The following FHIP1A variants were observed in gnomAD, a reference collection of about 807,000 sequenced individuals.
FHIP1A encodes FHF complex subunit HOOK interacting protein 1A, also known as FHF complex subunit HOOK-interacting protein 1A.
A neutral mutation model predicts 88.6 loss-of-function variants in FHIP1A; 61 were observed. That is an observed-to-expected ratio of 0.69 (90% CI 0.56 to 0.85). The LOEUF is 0.85. Among genes scored for constraint, FHIP1A ranks in the 40% least tolerant of loss-of-function variants. The probability of loss-of-function intolerance (pLI) is 0.00; values close to 1 mark genes in which losing one functional copy is unlikely to be tolerated. For synonymous variants in FHIP1A, 478 were observed against 496.0 expected, an observed-to-expected ratio of 0.96 and a Z score of 0.48; for missense variants, 1,154 against 1,273.5, an observed-to-expected ratio of 0.91 and a Z score of 1.43.
At chr4:151,511,590 C>T (rs1210687858) in intron 3 of FHIP1A, among the ~76,000 whole-genome samples, 18 of 152,200 alleles carry the variant, frequency 1.2e-4, no homozygotes, top group African/African-American at 4.3e-4. Context: ...CCTAATACTG[C>T]GCTTTTCCCA....
At position 151,666,377 on chromosome 4, in the gene FHIP1A, C is replaced by G. The variant is rs1164570039; in HGVS notation, c.*3623C>G. ...ATTTTGGAAAATGCTTTGATGTGCT[C>G]GGGTTGGAGTGGATGTCTGTCAGGT... On this transcript the variant is annotated 3_prime_UTR_variant, in exon 14 of 14. Coordinates refer to ENST00000435205, the MANE Select transcript of FHIP1A (RefSeq NM_001109977.3). 6.6e-6 allele frequency among the ~76,000 whole-genome samples: 1 copy of G among 152,024 alleles called. No individual in the cohort carries two copies. The highest frequency in any genetic ancestry group is 6.5e-5 in the Admixed American group (1 of 15,276).
At chr4:151,508,220 T>C (rs1330526374) in intron 3 of FHIP1A, among the ~76,000 whole-genome samples, 1 of 152,234 alleles carries the variant, frequency 6.6e-6, no homozygotes, top group Non-Finnish European at 1.5e-5. Flanking sequence ...TTAGAATATC[T>C]CAGAGAGATG....
At position 151,656,791 on chromosome 4, in the gene FHIP1A, A is replaced by C. The variant is rs772102116; in HGVS notation, c.2762A>C (p.Gln921Pro). ...GCATCTGTGAAAAACAAGATTGAAC[A>C]GTTTGCTTCTGTGGAGAGAGACTTC... ...VLASVKNKIE[Q>P]FASVERDFPG... The change falls in exon 13 of 14, where the codon CAG becomes CCG. Residue 921 changes from glutamine (Q) to proline (P), a missense_variant. Coordinates refer to ENST00000435205, the MANE Select transcript of FHIP1A (RefSeq NM_001109977.3). This position sits in a 1 kb window ranked among gnomAD's most constrained non-coding sequence, Gnocchi z 4.2. 1.3e-6 allele frequency: 2 copies of C among 1,551,574 alleles called. No individual in the cohort carries two copies. The highest frequency in any genetic ancestry group is 2.7e-5 in the African/African-American group (2 of 73,062).
intron 1 of FHIP1A, among the ~76,000 whole-genome samples, chr4:151,433,572 A>C (rs1372346106): frequency 6.6e-6 from 1 of 152,112 alleles, no homozygotes; most frequent in Non-Finnish European, 1.5e-5. Context: ...TCAGATAAAT[A>C]AATGAAAATG....
In FHIP1A at chr4:151,650,538, G is replaced by C; in HGVS notation, c.2497G>C (p.Glu833Gln). 1 of 1,551,444 alleles carries C rather than the reference G, an allele frequency of 6.4e-7. No homozygotes were observed. Among genetic ancestry groups the C allele is most frequent in the Non-Finnish European group, 8.7e-7 (1 of 1,147,014 alleles). Reference sequence around the variant, plus strand: ...GCCTTCCCCATTTGTGGGGAGAGATGAGGCTGCCTTTGCCAGTCGCCATCC... The same window carrying C: ...GCCTTCCCCATTTGTGGGGAGAGATCAGGCTGCCTTTGCCAGTCGCCATCC... ...TVPSPFVGRD[E>Q]AAFASRHPVR... The change falls in exon 11 of 14, where the codon GAG (glutamate) becomes CAG (glutamine). Residue 833 changes from glutamate to glutamine, a missense_variant. Transcript: ENST00000435205.
rs70941499 is a variant in FHIP1A at position 151,419,568 on chromosome 4, C to CTTTTTT, written c.-356+10132_-356+10137dup. ...CTGCCATGCTGGTCTGTTCCTCATT[C>CTTTTTT]TTTTTTTTTTTTTTTTTTTTTTTTT... On this transcript the variant is annotated intron_variant, in intron 1 of 13. Coordinates refer to ENST00000435205, the MANE Select transcript of FHIP1A (RefSeq NM_001109977.3). Among the ~76,000 whole-genome samples, 81 of 21,978 alleles carry CTTTTTT rather than the reference C, an allele frequency of 3.7e-3. 2 individuals carry two copies. The highest frequency in any genetic ancestry group is 6.3e-3 in the South Asian group (3 of 478). 14.4% of individuals were successfully genotyped at this position (21,978 alleles called of 152,430 possible). A position where few individuals can be genotyped will look rare whatever the true frequency, so the allele number is the denominator to read the frequency against.
intron 2 of FHIP1A, among the ~76,000 whole-genome samples, chr4:151,479,649 A>T (rs564415301): frequency 6.6e-6 from 1 of 152,198 alleles, no homozygotes; most frequent in East Asian, 1.9e-4. Flanking sequence ...AATGCTATGG[A>T]TAATCCACAC....
chr4:151,512,488 A>G (rs1212388015), intron 3 of FHIP1A, among the ~76,000 whole-genome samples: 1 of 152,234 alleles, frequency 6.6e-6, no homozygotes, highest in Non-Finnish European at 1.5e-5. Context: ...AAGGCTTCAG[A>G]TGATCAAACT....
At chr4:151,529,325 T>C (rs1731790843) in intron 3 of FHIP1A, among the ~76,000 whole-genome samples, 1 of 152,188 alleles carries the variant, frequency 6.6e-6, no homozygotes, top group Non-Finnish European at 1.5e-5. Flanking sequence ...ACTGTCATTC[T>C]GGGAGTCCGC....
intron 3 of FHIP1A, among the ~76,000 whole-genome samples, chr4:151,484,535 T>C (rs1730010407): frequency 1.3e-5 from 2 of 152,186 alleles, no homozygotes. Flanking sequence ...GATGTAACAC[T>C]TGGGTGTATT....
chr4:151,423,477 A>G (rs991033111), intron 1 of FHIP1A, among the ~76,000 whole-genome samples: 1 of 152,140 alleles, frequency 6.6e-6, no homozygotes, highest in African/African-American at 2.4e-5. Context: ...AGAGAATGCA[A>G]TTTGGGTGCA....
intron 5 of FHIP1A, among the ~76,000 whole-genome samples, chr4:151,578,292 G>C (rs1483790513): frequency 6.6e-6 from 1 of 152,154 alleles, no homozygotes; most frequent in Non-Finnish European, 1.5e-5. Flanking sequence ...AGCCAACAAA[G>C]GAGGCTAGAT....
intron 3 of FHIP1A, among the ~76,000 whole-genome samples, chr4:151,550,618 T>C (rs1732691880): frequency 6.6e-6 from 1 of 152,230 alleles, no homozygotes; most frequent in South Asian, 2.1e-4. Context: ...ATATTCTTTC[T>C]TGGTTTGAAG....
intron 4 of FHIP1A, among the ~76,000 whole-genome samples, chr4:151,571,077 T>C (rs1733585778): frequency 6.6e-6 from 1 of 152,126 alleles, no homozygotes; most frequent in Admixed American, 6.6e-5. Flanking sequence ...GACTGCCATG[T>C]GAATTAAATT....
chr4:151,602,384 C>T (rs1478906004), intron 7 of FHIP1A, among the ~76,000 whole-genome samples: 2 of 152,138 alleles, frequency 1.3e-5, no homozygotes, highest in African/African-American at 4.8e-5. Flanking sequence ...CTGCCAGACT[C>T]CATGGGGAAA....
rs1428095625 is a variant in FHIP1A at position 151,665,880 on chromosome 4, C to T, written c.*3126C>T. Among the ~76,000 whole-genome samples the T allele has an allele frequency of 6.6e-6, 1 of 152,224 alleles. No individual in the cohort carries two copies. The highest frequency in any genetic ancestry group is 2.4e-5 in the African/African-American group (1 of 41,458). On this transcript the variant is annotated 3_prime_UTR_variant, in exon 14 of 14. Coordinates refer to ENST00000435205, the MANE Select transcript of FHIP1A (RefSeq NM_001109977.3). Reference sequence around the variant, plus strand: ...CACTTCTCTATGTGACAGGCTCCTACACCAGTCGCTGTGCTCCTTGCTGGA... The same window carrying T: ...CACTTCTCTATGTGACAGGCTCCTATACCAGTCGCTGTGCTCCTTGCTGGA...
chr4:151,610,009 A>G (rs1476316337), intron 7 of FHIP1A, among the ~76,000 whole-genome samples: 1 of 152,268 alleles, frequency 6.6e-6, no homozygotes, highest in African/African-American at 2.4e-5. Flanking sequence ...ATGTAGTGGT[A>G]TCTAGTGAGT....
intron 7 of FHIP1A, among the ~76,000 whole-genome samples, chr4:151,618,508 G>T (rs1223895997): frequency 1.3e-5 from 2 of 152,204 alleles, no homozygotes; most frequent in Non-Finnish European, 2.9e-5. Context: ...GGTTTGTGTG[G>T]TAGCTTTATG....
intron 1 of FHIP1A, among the ~76,000 whole-genome samples, chr4:151,447,283 T>G (rs1157016058): frequency 6.6e-6 from 1 of 152,214 alleles, no homozygotes; most frequent in East Asian, 1.9e-4. Flanking sequence ...TTCAAGGTAT[T>G]GATGTATGGT....
Sources: gnomAD v4.1 joint callset for allele counts (sites outside exome capture counted in the v4.1 genomes callset) on GRCh38, gnomAD v4.1.1 for gene constraint, Gnocchi (gnomAD v3.1) non-coding constraint, MANE v1.5 for transcripts, NCBI Gene and HGNC (gene_info 2026-07-23, HGNC 2026-07-21) for gene names.